Variants in SHISA6 observed in about 807,000 individuals in gnomAD.
SHISA6 encodes protein shisa-6.
In SHISA6, 22 loss-of-function variants were observed where a neutral mutation model predicts 47.9. That is an observed-to-expected ratio of 0.46 (90% CI 0.33 to 0.66). SHISA6 has a LOEUF of 0.66. SHISA6 is among the 30% of genes least tolerant of loss of function. The pLI, the probability that SHISA6 is intolerant of heterozygous loss-of-function variation, is 0.02. For synonymous variants in SHISA6, 388 were observed against 337.8 expected (o/e 1.15, Z -1.63); for missense variants, 680 against 764.6 (o/e 0.89, Z 1.30).
chr17:11,245,802 C>T (rs1024878835), intron 1 of SHISA6, among the ~76,000 whole-genome samples: 3 of 151,830 alleles, frequency 2.0e-5, no homozygotes, highest in Non-Finnish European at 2.9e-5. Context: ...TGGATATCAA[C>T]AGGAAAAAGT....
At chr17:11,310,740 C>A (rs550404674) in intron 2 of SHISA6, among the ~76,000 whole-genome samples, 8 of 152,004 alleles carry the variant, frequency 5.3e-5, no homozygotes, top group Non-Finnish European at 1.0e-4. Context: ...TTTGGGAGGC[C>A]GAGGTGGGCA....
intron 1 of SHISA6, among the ~76,000 whole-genome samples, chr17:11,262,324 G>C (rs919171821): frequency 1.3e-5 from 2 of 152,176 alleles, no homozygotes; most frequent in Non-Finnish European, 2.9e-5. Context: ...GACACCCCTC[G>C]AGAAGATGGA....
chr17:11,279,702 G>T (rs1401375267), intron 2 of SHISA6, among the ~76,000 whole-genome samples: 15 of 152,018 alleles, frequency 9.9e-5, no homozygotes, highest in Non-Finnish European at 1.5e-5. Flanking sequence ...TATAAGATAG[G>T]TTCTCCCAAC....
intron 1 of SHISA6, among the ~76,000 whole-genome samples, chr17:11,243,091 G>T: frequency 6.6e-6 from 1 of 151,786 alleles, no homozygotes; most frequent in Admixed American, 6.6e-5. Context: ...CACTGCCCTA[G>T]TCACCATGAG....
chr17:11,388,392 A>G (rs901667726), intron 3 of SHISA6, among the ~76,000 whole-genome samples: 4 of 152,052 alleles, frequency 2.6e-5, no homozygotes, highest in Non-Finnish European at 5.9e-5. Context: ...TAGGAGTGGG[A>G]GCAGAGCAGA....
rs190332465 is a variant in SHISA6 at position 11,413,719 on chromosome 17, C to T, written c.895+34210C>T. On this transcript the variant is annotated intron_variant, in intron 3 of 5. Coordinates refer to ENST00000441885, the MANE Select transcript of SHISA6 (RefSeq NM_207386.4). ...TCTGGCCAAGCCCAAGTGTTCCAGCCGTGTTTCCAAAGGAGGGCAGAGCCA... is the reference window on the plus strand; with the variant it reads ...TCTGGCCAAGCCCAAGTGTTCCAGCTGTGTTTCCAAAGGAGGGCAGAGCCA... 3.9e-5 allele frequency among the ~76,000 whole-genome samples: 6 copies of T among 152,250 alleles called. No homozygotes were observed. The East Asian group carries it at 9.7e-4, about 25-fold the overall frequency.
intron 3 of SHISA6, among the ~76,000 whole-genome samples, chr17:11,415,104 A>G (rs1246322211): frequency 6.6e-6 from 1 of 152,062 alleles, no homozygotes; most frequent in Non-Finnish European, 1.5e-5. Context: ...AAGAAAGAAA[A>G]AAACAATGAA....
In SHISA6 at chr17:11,259,573, C is replaced by G. The variant is rs192066615; in HGVS notation, c.639-3793C>G. 1.8e-3 allele frequency among the ~76,000 whole-genome samples: 274 copies of G among 152,304 alleles called. 2 individuals carry two copies. Among genetic ancestry groups the G allele is most frequent in the African/African-American group, 6.3e-3 (260 of 41,576 alleles). On this transcript the variant is annotated intron_variant, in intron 1 of 5. Transcript: ENST00000441885. ...CATATCCTGAATGCAGGTGGTAACA[C>G]GTTAAAATGTTGACTGGGCTTGGTC...
chr17:11,499,597 T>C (rs2071434137), intron 3 of SHISA6, among the ~76,000 whole-genome samples: 1 of 152,144 alleles, frequency 6.6e-6, no homozygotes, highest in Admixed American at 6.5e-5. Flanking sequence ...CATTCAGAAC[T>C]TTAATAGGGG....
chr17:11,287,730 G>GGAGGGA (rs1567561491), intron 2 of SHISA6, among the ~76,000 whole-genome samples: 3 of 145,660 alleles, frequency 2.1e-5, no homozygotes, highest in Non-Finnish European at 3.0e-5. Context: ...AGGGAGGAAG[G>GGAGGGA]GGCTGGGAAG....
chr17:11,399,266 G>T (rs943604862), intron 3 of SHISA6, among the ~76,000 whole-genome samples: 2 of 152,102 alleles, frequency 1.3e-5, no homozygotes, highest in African/African-American at 4.8e-5. Flanking sequence ...GGTCTTATGT[G>T]TAGTGCTGTA....
intron 3 of SHISA6, among the ~76,000 whole-genome samples, chr17:11,539,799 A>T (rs1303615185): frequency 6.6e-6 from 1 of 152,204 alleles, no homozygotes; most frequent in Non-Finnish European, 1.5e-5. Context: ...GTTGTTATCC[A>T]GCTCAATCCA....
At chr17:11,319,267 C>T (rs1451063342) in intron 2 of SHISA6, among the ~76,000 whole-genome samples, 6 of 152,034 alleles carry the variant, frequency 3.9e-5, no homozygotes, top group East Asian at 1.9e-4. Context: ...TTAGTGGAGA[C>T]GGGGTTTCAC....
chr17:11,302,679 T>G (rs765645193), intron 2 of SHISA6, among the ~76,000 whole-genome samples: 1 of 152,206 alleles, frequency 6.6e-6, no homozygotes, highest in South Asian at 2.1e-4. Flanking sequence ...AGCCGTCTTT[T>G]GCTTCCAACA....
chr17:11,519,981 G>T (rs1451426652), intron 3 of SHISA6, among the ~76,000 whole-genome samples: 3 of 152,076 alleles, frequency 2.0e-5, no homozygotes, highest in African/African-American at 4.8e-5. Context: ...AGGTTGAAGG[G>T]CTTCCTCTGT....
intron 1 of SHISA6, among the ~76,000 whole-genome samples, chr17:11,262,453 G>C (rs571314454): frequency 6.6e-6 from 1 of 152,310 alleles, no homozygotes; most frequent in South Asian, 2.1e-4. Flanking sequence ...GTTTCCCACT[G>C]CCAGTGGGTA....
intron 2 of SHISA6, among the ~76,000 whole-genome samples, chr17:11,349,031 C>T (rs1486151660): frequency 1.1e-4 from 17 of 152,206 alleles, no homozygotes; most frequent in Non-Finnish European, 2.4e-4. Context: ...AGGAGCTCTG[C>T]ACCAGGGTAC....
chr17:11,294,620 A>C (rs1401975276), intron 2 of SHISA6, among the ~76,000 whole-genome samples: 1 of 152,176 alleles, frequency 6.6e-6, no homozygotes, highest in South Asian at 2.1e-4. Context: ...TACTGTTGAT[A>C]ACAGATGAAA....
rs530374440 is a variant in SHISA6 at position 11,393,257 on chromosome 17, A to G, written c.895+13748A>G. ...AGCAGCACTCTACACACTGCACACT[A>G]TCCTTGACATCTTTCTCTCTCTCAC... On this transcript the variant is annotated intron_variant, in intron 3 of 5. Transcript: ENST00000441885. Among the ~76,000 whole-genome samples, 6 of 152,236 alleles carry G rather than the reference A, an allele frequency of 3.9e-5. No homozygotes were observed. In the East Asian group the frequency reaches 9.7e-4, roughly 25 times the overall value.
Sources: gnomAD v4.1 joint callset for allele counts (sites outside exome capture counted in the v4.1 genomes callset) on GRCh38, gnomAD v4.1.1 for gene constraint, MANE v1.5 for transcripts, NCBI Gene and HGNC (gene_info 2026-07-23, HGNC 2026-07-21) for gene names.